The following DLGAP1 variants were observed in gnomAD, a reference collection of about 807,000 sequenced individuals.
DLGAP1 encodes the protein disks large-associated protein 1.
Under a neutral mutation model 90.8 loss-of-function variants are expected in DLGAP1, and 11 were observed. The ratio of observed to expected loss-of-function variants is 0.12; its 90% CI spans 0.08 to 0.20. The LOEUF (loss-of-function observed/expected upper bound fraction) is 0.20, where lower values mean the gene tolerates loss of function less well. DLGAP1 is among the 10% of genes least tolerant of loss of function. DLGAP1 has a pLI of 1.00. For synonymous variants in DLGAP1, 558 were observed against 540.7 expected (o/e 1.03, Z -0.44); for missense variants, 1,050 against 1,333.8 (o/e 0.79, Z 3.31).
At chr18:3,748,142 CTAGCT>C (rs1234706685) in intron 5 of DLGAP1, among the ~76,000 whole-genome samples, 1 of 152,162 alleles carries the variant, frequency 6.6e-6, no homozygotes, top group East Asian at 1.9e-4. Flanking sequence ...TTAACTTTTC[CTAGCT>C]TATCAGAACT....
chr18:3,644,676 G>A (rs1191245896), intron 7 of DLGAP1, among the ~76,000 whole-genome samples: 2 of 152,110 alleles, frequency 1.3e-5, no homozygotes, highest in Admixed American at 6.5e-5. Context: ...GCCTCCCAAA[G>A]TGCTGGGATT....
At chr18:4,012,070 C>G (rs1334234614) in intron 2 of DLGAP1, among the ~76,000 whole-genome samples, 1 of 152,044 alleles carries the variant, frequency 6.6e-6, no homozygotes, top group African/African-American at 2.4e-5. Context: ...TCTAACACTG[C>G]TTGAATTCAA....
At position 3,879,107 on chromosome 18, in the gene DLGAP1, G is replaced by T. The variant is rs1399584426; in HGVS notation, c.957+5C>A. 6.7e-7 allele frequency: 1 copy of T among 1,489,120 alleles called. No individual in the cohort carries two copies. 92.2% of individuals were successfully genotyped at this position (1,489,120 alleles called of 1,614,324 possible). ...CTAAGCCTCCATCATTGACAGAAATGGTACCTGCAGGTACTGGCAGGAGCG... is the reference window on the plus strand; with the variant it reads ...CTAAGCCTCCATCATTGACAGAAATTGTACCTGCAGGTACTGGCAGGAGCG... On this transcript the variant is annotated splice_donor_5th_base_variant and intron_variant, in intron 4 of 12. Coordinates refer to ENST00000315677, the MANE Select transcript of DLGAP1 (RefSeq NM_004746.4). The surrounding 1 kb of genome is among the most constrained non-coding windows in gnomAD (Gnocchi z 6.6).
chr18:4,003,885 G>A (rs1056490828), intron 3 of DLGAP1, among the ~76,000 whole-genome samples: 2 of 152,172 alleles, frequency 1.3e-5, no homozygotes, highest in African/African-American at 4.8e-5. Context: ...AAGGAAGATG[G>A]TCAGGTATTT....
At chr18:4,436,335 G>C (rs540302206) in intron 1 of DLGAP1, among the ~76,000 whole-genome samples, 1 of 152,044 alleles carries the variant, frequency 6.6e-6, no homozygotes. Context: ...TGAAACTTTA[G>C]TGCACATCTT....
intron 3 of DLGAP1, among the ~76,000 whole-genome samples, chr18:3,932,263 A>G (rs544436209): frequency 1.3e-5 from 2 of 152,298 alleles, no homozygotes; most frequent in East Asian, 3.9e-4. Flanking sequence ...ACACACATAT[A>G]GCCCAGGCCA....
At chr18:4,018,256 G>A (rs1466323928) in intron 2 of DLGAP1, among the ~76,000 whole-genome samples, 1 of 152,188 alleles carries the variant, frequency 6.6e-6, no homozygotes, top group African/African-American at 2.4e-5. Context: ...GAAGGATCGG[G>A]TGGGAGGGGC....
chr18:3,773,300 T>C (rs1049480885), intron 5 of DLGAP1, among the ~76,000 whole-genome samples: 2 of 152,172 alleles, frequency 1.3e-5, no homozygotes, highest in Non-Finnish European at 2.9e-5. Flanking sequence ...GGTAATAAAC[T>C]AATATTAGCA....
chr18:3,713,626 T>C (rs1254645218), intron 7 of DLGAP1, among the ~76,000 whole-genome samples: 2 of 152,186 alleles, frequency 1.3e-5, no homozygotes, highest in Non-Finnish European at 2.9e-5. Context: ...AATTATGCCT[T>C]TGCTTATACT....
At position 3,775,024 on chromosome 18, in the gene DLGAP1, T is replaced by C. The variant is rs952847009; in HGVS notation, c.1173-32512A>G. Reference sequence around the variant, plus strand: ...GAAGTCTGTCCAGGTAAAGAAAGTCTCATCTGGACGGACTTTTTTCACAAA... The same window carrying C: ...GAAGTCTGTCCAGGTAAAGAAAGTCCCATCTGGACGGACTTTTTTCACAAA... On this transcript the variant is annotated intron_variant, in intron 5 of 12. Transcript: ENST00000315677. This position sits in a 1 kb window ranked among gnomAD's most constrained non-coding sequence, Gnocchi z 4.9. Among the ~76,000 whole-genome samples, 2 of 152,164 alleles carry C rather than the reference T, an allele frequency of 1.3e-5. No individual in the cohort carries two copies. The highest frequency in any genetic ancestry group is 2.9e-5 in the Non-Finnish European group (2 of 68,032).
chr18:3,776,509 C>A lies in DLGAP1; in HGVS notation c.1173-33997G>T, dbSNP rs567193974. Among the ~76,000 whole-genome samples, 13 of 152,300 alleles carry A rather than the reference C, an allele frequency of 8.5e-5. 1 individual carries two copies. In the South Asian group the frequency reaches 2.7e-3, roughly 32 times the overall value. On this transcript the variant is annotated intron_variant, in intron 5 of 12. Coordinates refer to ENST00000315677, the MANE Select transcript of DLGAP1 (RefSeq NM_004746.4). ...GAACAAATGCACGCTTAACCTTTAA[C>A]ATGGGACCAGTTCTTGGCTTCCTTG...
At chr18:4,020,927 G>A (rs1267467140) in intron 2 of DLGAP1, among the ~76,000 whole-genome samples, 1 of 152,102 alleles carries the variant, frequency 6.6e-6, no homozygotes, top group Non-Finnish European at 1.5e-5. Flanking sequence ...GTTCTGTTCT[G>A]ATGGACCAGC....
At chr18:4,390,473 T>C (rs2082319521) in intron 1 of DLGAP1, among the ~76,000 whole-genome samples, 1 of 152,110 alleles carries the variant, frequency 6.6e-6, no homozygotes, top group Non-Finnish European at 1.5e-5. Flanking sequence ...CATTGTAGTA[T>C]CATATAGAAT....
intron 7 of DLGAP1, among the ~76,000 whole-genome samples, chr18:3,681,111 G>A (rs1032850375): frequency 6.6e-6 from 1 of 152,200 alleles, no homozygotes; most frequent in African/African-American, 2.4e-5. Context: ...GCTGATGAGA[G>A]TTCAGTTCAA....
chr18:4,226,813 C>G lies in DLGAP1; in HGVS notation c.-266-75526G>C, dbSNP rs548069474. On this transcript the variant is annotated intron_variant, in intron 1 of 12. Transcript: ENST00000315677. Reference sequence around the variant, plus strand: ...AAAGAAGGAAAAGAAGACCACAAAACAACCAGAAAACAAGTAACAAAATCA... The same window carrying G: ...AAAGAAGGAAAAGAAGACCACAAAAGAACCAGAAAACAAGTAACAAAATCA... Among the ~76,000 whole-genome samples, 457 of 151,410 alleles carry G rather than the reference C, an allele frequency of 3.0e-3. 3 individuals are homozygous for G. The highest frequency in any genetic ancestry group is 0.011 in the African/African-American group (441 of 41,398).
At chr18:3,725,465 G>A (rs4797121) in intron 7 of DLGAP1, among the ~76,000 whole-genome samples, 79,354 of 152,000 alleles carry the variant, frequency 0.52, 21,680 homozygotes, top group East Asian at 0.69. Context: ...ACTGTTACCT[G>A]AAATATTTTA....
intron 1 of DLGAP1, among the ~76,000 whole-genome samples, chr18:4,160,977 T>A (rs1165893038): frequency 6.6e-6 from 1 of 152,052 alleles, no homozygotes; most frequent in East Asian, 1.9e-4. Flanking sequence ...ATCTAGTTCT[T>A]TTTGTCATTA....
At chr18:3,523,039 T>A (rs1258897266) in intron 10 of DLGAP1, among the ~76,000 whole-genome samples, 5 of 152,046 alleles carry the variant, frequency 3.3e-5, no homozygotes, top group Non-Finnish European at 1.5e-5. Context: ...AATGAGACTG[T>A]GTAAAATGAA....
At chr18:4,199,129 C>A (rs761148369) in intron 1 of DLGAP1, among the ~76,000 whole-genome samples, 1 of 152,168 alleles carries the variant, frequency 6.6e-6, no homozygotes, top group African/African-American at 2.4e-5. Context: ...TGGAAAAGAG[C>A]GGAACATCAG....
Sources: allele counts gnomAD v4.1 joint callset (sites outside exome capture counted in the v4.1 genomes callset), GRCh38; gene constraint gnomAD v4.1.1; non-coding constraint Gnocchi (gnomAD v3.1); transcripts MANE v1.5; gene names NCBI Gene and HGNC (gene_info 2026-07-23, HGNC 2026-07-21).